SMARCB1: variants seen among roughly 807,000 people sequenced by gnomAD.
SMARCB1 encodes SWI/SNF-related matrix-associated actin-dependent regulator of chromatin subfamily B member 1.
In SMARCB1, 5 loss-of-function variants were observed where a neutral mutation model predicts 49.0. The observed-to-expected ratio is 0.10, with a 90% confidence interval of 0.05 to 0.21. The LOEUF (loss-of-function observed/expected upper bound fraction) is 0.21. Among genes scored for constraint, SMARCB1 ranks in the 10% least tolerant of loss-of-function variants. The pLI, the probability that SMARCB1 is intolerant of heterozygous loss-of-function variation, is 1.00. For missense variants in SMARCB1, 226 were observed against 509.2 expected (o/e 0.44, Z 5.35); for synonymous variants, 201 against 200.1 (o/e 1.00, Z -0.04).
chr22:23,800,795 C>G, intron 3 of SMARCB1, 149 bp from the exon 4 acceptor site: 1 of 758,334 alleles, frequency 1.3e-6, no homozygotes. Context: ...GGGGAGCAGG[C>G]TCCTGCAAAG....
chr22:23,803,184 A>G lies in SMARCB1; in HGVS notation c.501-111A>G, dbSNP rs1294019065. 1.9e-5 allele frequency: 27 copies of G among 1,451,856 alleles called. No individual in the cohort carries two copies. In the East Asian group the frequency reaches 2.0e-4, roughly 11 times the overall value. 89.9% of individuals were successfully genotyped at this position (1,451,856 alleles called of 1,614,324 possible). On this transcript the variant is annotated intron_variant, in intron 4 of 8. Coordinates refer to ENST00000644036, the MANE Select transcript of SMARCB1 (RefSeq NM_003073.5). ...CTCAGCTGTTAGCTGACAAGCGGCC[A>G]TCTTCCCCAGATGGGTTTGCAGAAG...
chr22:23,826,367 G>A (rs2030380983), intron 7 of SMARCB1: 1 of 151,338 alleles, frequency 6.6e-6, no homozygotes, highest in South Asian at 2.1e-4. Context: ...GGAGGCTGCA[G>A]TGAGCCAAGA....
chr22:23,828,946 A>G (rs2030522893), intron 7 of SMARCB1, among the ~76,000 whole-genome samples: 1 of 152,234 alleles, frequency 6.6e-6, no homozygotes, highest in South Asian at 2.1e-4. Flanking sequence ...AAACAGGGGC[A>G]TGTGACAAAC....
At chr22:23,819,802 A>G (rs2029981100) in intron 6 of SMARCB1, among the ~76,000 whole-genome samples, 1 of 150,732 alleles carries the variant, frequency 6.6e-6, no homozygotes, top group African/African-American at 2.4e-5. Context: ...GTTTCTCCAC[A>G]TCCTCACTCA....
At chr22:23,817,018 G>T (rs1020843035) in intron 6 of SMARCB1, 82 bp downstream of exon 6, 12 of 1,156,004 alleles carry the variant, frequency 1.0e-5, no homozygotes, top group Middle Eastern at 1.9e-4. Context: ...GTACACCAAG[G>T]CCTCAGCAGA....
chr22:23,791,548 G>T (rs1928374464), intron 1 of SMARCB1, among the ~76,000 whole-genome samples: 1 of 152,214 alleles, frequency 6.6e-6, no homozygotes, highest in Admixed American at 6.5e-5. Context: ...ACTTGGTTCT[G>T]TTGTCAGGAT....
At position 23,802,894 on chromosome 22, in the gene SMARCB1, G is replaced by T. The variant is rs369575206; in HGVS notation, c.501-401G>T. On this transcript the variant is annotated intron_variant, in intron 4 of 8. Transcript: ENST00000644036. ...GGAATCTGTGCTCTGTGGTCTGTTT[G>T]TACGTCCTCAGCAGTTCCTCCATTC... The T allele has an allele frequency of 1.6e-3, 568 of 354,848 alleles. 11 individuals carry two copies. Among genetic ancestry groups the T allele is most frequent in the South Asian group, 0.012 (555 of 45,302 alleles). The allele number at this position is 354,848 out of a possible 1,614,324, so 22.0% of individuals were successfully genotyped here. A position where few individuals can be genotyped will look rare whatever the true frequency, so the allele number is the denominator to read the frequency against.
rs1358180027 is a variant in SMARCB1, at chr22:23,834,822, T to G, written c.*642T>G. On this transcript the variant is annotated 3_prime_UTR_variant, in exon 9 of 9. Transcript: ENST00000644036. ...CAGCCCTAACCCTGCTCCCCTTGCT[T>G]GGCCTCAGGAAGGTGCCGCGAGCTC... 4 of 1,610,060 alleles carry G rather than the reference T, an allele frequency of 2.5e-6. No individual in the cohort carries two copies. Among genetic ancestry groups the G allele is most frequent in the Non-Finnish European group, 3.4e-6 (4 of 1,178,552 alleles).
rs148530648 is a variant in SMARCB1 at position 23,794,259 on chromosome 22, A to G, written c.362+571A>G. On this transcript the variant is annotated intron_variant, in intron 3 of 8. Transcript: ENST00000644036. ...GCCCGGTCCTGATTTTTGTATTGAA[A>G]CACTTTTTAACAGTTCCCTCTGTTT... 8.8e-3 allele frequency among the ~76,000 whole-genome samples: 1,346 copies of G among 152,246 alleles called. 11 individuals carry two copies. Among genetic ancestry groups the G allele is most frequent in the Non-Finnish European group, 0.013 (908 of 68,010 alleles).
At chr22:23,819,489 C>T (rs942205690) in intron 6 of SMARCB1, among the ~76,000 whole-genome samples, 1 of 152,092 alleles carries the variant, frequency 6.6e-6, no homozygotes, top group Non-Finnish European at 1.5e-5. Flanking sequence ...CCACCATGCC[C>T]AGCTAATTTT....
At chr22:23,811,054 A>G (rs1929841913) in intron 5 of SMARCB1, among the ~76,000 whole-genome samples, 1 of 142,142 alleles carries the variant, frequency 7.0e-6, no homozygotes, top group Admixed American at 7.2e-5. Context: ...AAAAAAAAAA[A>G]GATGGATAAA....
At chr22:23,819,274 C>T (rs1175738568) in intron 6 of SMARCB1, among the ~76,000 whole-genome samples, 1 of 152,198 alleles carries the variant, frequency 6.6e-6, no homozygotes, top group Non-Finnish European at 1.5e-5. Flanking sequence ...AATAATGCTG[C>T]TATGAACCTG....
In SMARCB1 at chr22:23,837,838, C is replaced by T. The variant is rs757661539; in HGVS notation, c.*3658C>T. ...GGCCTGGCCCAGGAAGAACAGGCTGCCCAGGAGTCCCAGCAGCTGGGCCAG... is the reference window on the plus strand; with the variant it reads ...GGCCTGGCCCAGGAAGAACAGGCTGTCCAGGAGTCCCAGCAGCTGGGCCAG... On this transcript the variant is annotated 3_prime_UTR_variant, in exon 9 of 9. Transcript: ENST00000644036. 5.6e-6 allele frequency: 9 copies of T among 1,612,126 alleles called. No individual in the cohort carries two copies. Among genetic ancestry groups the T allele is most frequent in the Middle Eastern group, 1.7e-4 (1 of 5,968 alleles).
chr22:23,833,315 CAG>C (rs1175768203), intron 7 of SMARCB1, among the ~76,000 whole-genome samples: 1 of 152,222 alleles, frequency 6.6e-6, no homozygotes, highest in Non-Finnish European at 1.5e-5. Flanking sequence ...ATCTCAGAGA[CAG>C]AGAGACGCTG....
At chr22:23,795,125 A>G (rs994390990) in intron 3 of SMARCB1, among the ~76,000 whole-genome samples, 1 of 152,054 alleles carries the variant, frequency 6.6e-6, no homozygotes, top group Non-Finnish European at 1.5e-5. Flanking sequence ...TGTAATTTCA[A>G]AAATTCCAAG....
chr22:23,804,108 GTTTT>G (rs969452813), intron 5 of SMARCB1: 1 of 148,096 alleles, frequency 6.8e-6, no homozygotes, highest in Non-Finnish European at 1.5e-5. Flanking sequence ...TTGCATACCA[GTTTT>G]TTTTTTACTT....
chr22:23,828,392 C>T (rs1340175442), intron 7 of SMARCB1, among the ~76,000 whole-genome samples: 1 of 150,132 alleles, frequency 6.7e-6, no homozygotes, highest in Non-Finnish European at 1.5e-5. Context: ...GGCATGGTGG[C>T]TCACGCCTGT....
At chr22:23,807,011 C>A (rs561790354) in intron 5 of SMARCB1, among the ~76,000 whole-genome samples, 15 of 150,952 alleles carry the variant, frequency 9.9e-5, no homozygotes, top group African/African-American at 3.7e-4. Flanking sequence ...CTGAAAAGGA[C>A]TTGAAGTAGT....
At chr22:23,829,051 G>T (rs2030527377) in intron 7 of SMARCB1, among the ~76,000 whole-genome samples, 1 of 152,242 alleles carries the variant, frequency 6.6e-6, no homozygotes, top group Non-Finnish European at 1.5e-5. Flanking sequence ...CCAGCGAAAG[G>T]AGGGAGACAG....
Sources: allele counts gnomAD v4.1 joint callset (sites outside exome capture counted in the v4.1 genomes callset), GRCh38; gene constraint gnomAD v4.1.1; transcripts MANE v1.5; gene names NCBI Gene and HGNC (gene_info 2026-07-23, HGNC 2026-07-21).